Variants in ALKAL1 observed in about 807,000 individuals in gnomAD.
The protein encoded by ALKAL1 is ALK and LTK ligand 1.
ALKAL1 carries 23 observed loss-of-function variants against 13.5 expected under a neutral mutation model. That is an observed-to-expected ratio of 1.70 (90% CI 1.23 to 2.41). The LOEUF is 2.41. ALKAL1 is among the 30% of genes most tolerant of loss of function. The pLI, the probability that ALKAL1 is intolerant of heterozygous loss-of-function variation, is 0.00. For missense variants in ALKAL1, 181 were observed against 178.4 expected, an observed-to-expected ratio of 1.01 and a Z score of -0.08; for synonymous variants, 85 against 77.7, an observed-to-expected ratio of 1.09 and a Z score of -0.49.
At position 52,534,458 on chromosome 8, in the gene ALKAL1, G is replaced by C. The variant is rs1337774038; in HGVS notation, c.*155C>G. The stretch of plus-strand genomic sequence containing the variant: ...CAAGAAAGACTCCATTCTATGACAG[G>C]AAACAGCTAACCAGTTATTTCTGGG... On this transcript the variant is annotated 3_prime_UTR_variant, in exon 5 of 5. Coordinates refer to ENST00000358543, the MANE Select transcript of ALKAL1 (RefSeq NM_207413.4). 8 of 435,676 alleles carry C rather than the reference G, an allele frequency of 1.8e-5. No individual in the cohort carries two copies. The highest frequency in any genetic ancestry group is 3.2e-5 in the Non-Finnish European group (8 of 250,206). 27.0% of individuals were successfully genotyped at this position (435,676 alleles called of 1,614,324 possible).
intron 4 of ALKAL1, among the ~76,000 whole-genome samples, chr8:52,534,897 T>C (rs1378626638): frequency 6.6e-6 from 1 of 152,216 alleles, no homozygotes; most frequent in African/African-American, 2.4e-5. Flanking sequence ...CATTTATTAA[T>C]CTGTAGTATT....
intron 1 of ALKAL1, among the ~76,000 whole-genome samples, chr8:52,547,110 T>TA (rs1277280929): frequency 3.9e-5 from 6 of 152,210 alleles, no homozygotes; most frequent in Admixed American, 6.5e-5. Flanking sequence ...AATTTTTCAA[T>TA]AAAAAACTGA....
chr8:52,551,175 G>A (rs943249044), intron 1 of ALKAL1, among the ~76,000 whole-genome samples: 2 of 152,102 alleles, frequency 1.3e-5, no homozygotes, highest in Non-Finnish European at 2.9e-5. Context: ...GTAATGTGAG[G>A]TTTTATTACA....
At chr8:52,550,008 T>C (rs559988230) in intron 1 of ALKAL1, among the ~76,000 whole-genome samples, 1 of 152,348 alleles carries the variant, frequency 6.6e-6, no homozygotes, top group East Asian at 1.9e-4. Flanking sequence ...ATAAAATGTG[T>C]GCCTTCTTCT....
intron 1 of ALKAL1, among the ~76,000 whole-genome samples, chr8:52,558,380 A>G (rs1847505890): frequency 1.3e-5 from 2 of 150,842 alleles, no homozygotes; most frequent in South Asian, 4.2e-4. Context: ...AAAAGTTCAG[A>G]ATGGGGCACA....
chr8:52,559,202 A>G (rs1847514517), intron 1 of ALKAL1, among the ~76,000 whole-genome samples: 1 of 152,196 alleles, frequency 6.6e-6, no homozygotes, highest in Non-Finnish European at 1.5e-5. Flanking sequence ...GAGAGGACAA[A>G]TATCCGAACC....
rs1847587715 is a variant in ALKAL1, at chr8:52,565,156, C to T, written c.101G>A (p.Gly34Glu). 2.2e-6 allele frequency: 3 copies of T among 1,394,626 alleles called. No homozygotes were observed. The African/African-American group carries it at 4.5e-5, about 21-fold the overall frequency. The allele number at this position is 1,394,626 out of a possible 1,614,324, so 86.4% of individuals were successfully genotyped here. Residue 34 changes from glycine (G) to glutamate (E), a missense_variant, in exon 1 of 5, where the codon GGA (glycine) becomes GAA (glutamate). Coordinates refer to ENST00000358543, the MANE Select transcript of ALKAL1 (RefSeq NM_207413.4). The stretch of plus-strand genomic sequence containing the variant: ...GGGCTCCTTATCCGTGACGCGCGCT[C>T]CCCTGCGCCCCCGGGGCCTCCCGTG... ...GAHGRPRGRR[G>E]ARVTDKEPKP... is the part of the protein sequence containing the mutation.
intron 1 of ALKAL1, among the ~76,000 whole-genome samples, chr8:52,560,826 A>T (rs1020428733): frequency 6.6e-6 from 1 of 152,186 alleles, no homozygotes; most frequent in Non-Finnish European, 1.5e-5. Flanking sequence ...ACGTCTGGTC[A>T]TATATATAAC....
At chr8:52,562,468 A>C (rs1226188695) in intron 1 of ALKAL1, among the ~76,000 whole-genome samples, 1 of 152,170 alleles carries the variant, frequency 6.6e-6, no homozygotes, top group Non-Finnish European at 1.5e-5. Flanking sequence ...GTGAGAAGGA[A>C]GGAGGGCCAA....
intron 2 of ALKAL1, 97 bp downstream of exon 2, chr8:52,542,295 A>G (rs1847322054): frequency 3.8e-6 from 3 of 792,460 alleles, no homozygotes; most frequent in African/African-American, 3.5e-5. Context: ...TGAGTCCCCT[A>G]CAGACATTTA....
intron 1 of ALKAL1, among the ~76,000 whole-genome samples, chr8:52,559,055 A>G (rs1464026485): frequency 6.6e-6 from 1 of 152,088 alleles, no homozygotes; most frequent in Non-Finnish European, 1.5e-5. Flanking sequence ...CAAGAAAAGT[A>G]ATAGAGCAAG....
At chr8:52,556,348 T>C (rs1211725339) in intron 1 of ALKAL1, among the ~76,000 whole-genome samples, 1 of 152,148 alleles carries the variant, frequency 6.6e-6, no homozygotes, top group Non-Finnish European at 1.5e-5. Context: ...TGTATGGGTT[T>C]AGAAGATTGG....
At position 52,540,453 on chromosome 8, in the gene ALKAL1, G is replaced by A. The variant is rs147516132; in HGVS notation, c.245-542C>T. Reference sequence around the variant, plus strand: ...CCTTGGATTTAAAAACTTTCATCCCGGATGGCTCGTGTCTGTAATCCCAGC... The same window carrying A: ...CCTTGGATTTAAAAACTTTCATCCCAGATGGCTCGTGTCTGTAATCCCAGC... On this transcript the variant is annotated intron_variant, in intron 2 of 4. Coordinates refer to ENST00000358543, the MANE Select transcript of ALKAL1 (RefSeq NM_207413.4). 5.1e-3 allele frequency among the ~76,000 whole-genome samples: 768 copies of A among 152,044 alleles called. 12 individuals carry two copies. Among genetic ancestry groups the A allele is most frequent in the African/African-American group, 0.017 (722 of 41,476 alleles).
Position 52,565,245 on chromosome 8 carries a change from A to G in ALKAL1, c.12T>C (p.Leu4=), listed in dbSNP as rs1847589676. Residue 4 remains leucine, a synonymous_variant, in exon 1 of 5, where the codon CTT becomes CTC. Coordinates refer to ENST00000358543, the MANE Select transcript of ALKAL1 (RefSeq NM_207413.4). The part of the protein sequence containing the change: MRP[L]KPGAPLPALF... Reference sequence around the variant, plus strand: ...GTGCGGGCAAAGGGGCGCCGGGCTTAAGGGGCCGCATGTTCGCAAGCCGGG... The same window carrying G: ...GTGCGGGCAAAGGGGCGCCGGGCTTGAGGGGCCGCATGTTCGCAAGCCGGG... The G allele has an allele frequency of 7.6e-6, 10 of 1,316,036 alleles. No homozygotes were observed. The highest frequency in any genetic ancestry group is 9.7e-6 in the Non-Finnish European group (10 of 1,025,806). 81.5% of individuals were successfully genotyped at this position (1,316,036 alleles called of 1,614,324 possible). A position where few individuals can be genotyped will look rare whatever the true frequency, so the allele number is the denominator to read the frequency against.
intron 1 of ALKAL1, among the ~76,000 whole-genome samples, chr8:52,549,198 T>C (rs750734706): frequency 1.3e-5 from 2 of 151,866 alleles, no homozygotes; most frequent in African/African-American, 2.4e-5. Flanking sequence ...TGTACAGTTC[T>C]TTGAGTTATT....
intron 1 of ALKAL1, among the ~76,000 whole-genome samples, chr8:52,547,328 T>C (rs1295172258): frequency 6.6e-6 from 1 of 151,910 alleles, no homozygotes; most frequent in Non-Finnish European, 1.5e-5. Flanking sequence ...CGAAACCCCA[T>C]CTCCATTAAA....
intron 1 of ALKAL1, among the ~76,000 whole-genome samples, chr8:52,549,766 A>AC (rs1295784187): frequency 1.3e-5 from 2 of 151,936 alleles, no homozygotes; most frequent in Non-Finnish European, 2.9e-5. Context: ...ACATGGTGAA[A>AC]CCCCATCTCT....
At chr8:52,541,299 A>AC (rs952991510) in intron 2 of ALKAL1, among the ~76,000 whole-genome samples, 27 of 152,030 alleles carry the variant, frequency 1.8e-4, no homozygotes, top group African/African-American at 6.5e-4. Flanking sequence ...ACATAGTGAG[A>AC]CCCCATATCT....
intron 1 of ALKAL1, among the ~76,000 whole-genome samples, chr8:52,563,661 T>C (rs561641324): frequency 4.6e-5 from 7 of 152,344 alleles, no homozygotes; most frequent in African/African-American, 9.6e-5. Flanking sequence ...TAAGTCAAAG[T>C]GCATGATCTG....
Sources: allele counts gnomAD v4.1 joint callset (sites outside exome capture counted in the v4.1 genomes callset), GRCh38; gene constraint gnomAD v4.1.1; transcripts MANE v1.5; gene names NCBI Gene and HGNC (gene_info 2026-07-23, HGNC 2026-07-21).